A2ML1: variants seen among roughly 807,000 people sequenced by gnomAD.
A2ML1 encodes the protein alpha-2-macroglobulin-like protein 1.
In A2ML1, 161 loss-of-function variants were observed where a neutral mutation model predicts 181.9. That is an observed-to-expected ratio of 0.89 (90% CI 0.78 to 1.01). A2ML1 has a LOEUF of 1.01. Among genes scored for constraint, A2ML1 ranks in the 50% least tolerant of loss-of-function variants. The probability of loss-of-function intolerance (pLI) is 0.00; values close to 1 mark genes in which losing one functional copy is unlikely to be tolerated. For missense variants in A2ML1, 1,670 were observed against 1,768.1 expected, an observed-to-expected ratio of 0.94 and a Z score of 1.00; for synonymous variants, 663 against 666.8, an observed-to-expected ratio of 0.99 and a Z score of 0.09.
chr12:8,886,010 T>TCACACACACA (rs35294269), intron 7 of A2ML1, among the ~76,000 whole-genome samples: 16,635 of 144,788 alleles, frequency 0.11, 1,081 homozygotes, highest in East Asian at 0.16. Context: ...CAACAATATC[T>TCACACACACA]CACACACACA....
At chr12:8,884,215 C>CT (rs946882849) in intron 7 of A2ML1, among the ~76,000 whole-genome samples, 2 of 122,966 alleles carry the variant, frequency 1.6e-5, no homozygotes, top group South Asian at 2.7e-4. Context: ...TTTTGAAATT[C>CT]TTTTTTTTAT....
chr12:8,883,399 G>A (rs1460761382), intron 7 of A2ML1, among the ~76,000 whole-genome samples: 1 of 152,206 alleles, frequency 6.6e-6, no homozygotes, highest in Non-Finnish European at 1.5e-5. Context: ...CTTGCAGTTA[G>A]GTTTGGCCAT....
chr12:8,848,052 G>T (rs766028206), intron 15 of A2ML1, among the ~76,000 whole-genome samples: 1 of 150,230 alleles, frequency 6.7e-6, no homozygotes, highest in South Asian at 2.1e-4. Context: ...GCTGAGGCAG[G>T]AGAATCACTT....
chr12:8,856,516 A>T (rs1038296971), intron 23 of A2ML1, among the ~76,000 whole-genome samples: 2 of 152,196 alleles, frequency 1.3e-5, no homozygotes, highest in Non-Finnish European at 2.9e-5. Flanking sequence ...TGGGAAGTAT[A>T]TGAAGGGGTC....
chr12:8,834,962 C>T (rs1943225238), intron 5 of A2ML1: 2 of 479,264 alleles, frequency 4.2e-6, no homozygotes, highest in Non-Finnish European at 7.4e-6. Context: ...GATGACTTAA[C>T]CAGGCTTGGT....
chr12:8,823,071 A>G (rs1168667500), intron 1 of A2ML1, 111 bp from the exon 2 acceptor site: 1 of 1,073,126 alleles, frequency 9.3e-7, no homozygotes, highest in African/African-American at 1.6e-5. Flanking sequence ...TAAGGAAGGC[A>G]GGGGCTTGGT....
chr12:8,854,697 G>C (rs1026616907), intron 21 of A2ML1, 83 bp from the exon 22 acceptor site: 7 of 1,484,284 alleles, frequency 4.7e-6, no homozygotes, highest in Non-Finnish European at 6.6e-6. Context: ...GGCACAGCGA[G>C]GGGCCTCCCT....
chr12:8,867,474 C>T (rs7137682), intron 29 of A2ML1, among the ~76,000 whole-genome samples: 15,587 of 152,062 alleles, frequency 0.1, 1,013 homozygotes, highest in African/African-American at 0.17. Flanking sequence ...ATGGAGAAAC[C>T]CCTTCTCTAC....
intron 13 of A2ML1, 45 bp downstream of exon 13, chr12:8,845,547 A>G (rs1943641247): frequency 6.2e-7 from 1 of 1,609,766 alleles, no homozygotes; most frequent in African/African-American, 1.3e-5. Flanking sequence ...ATATTTTTAA[A>G]TTCCAGAAAA....
At chr12:8,849,049 G>C (rs774497071) in intron 16 of A2ML1, 135 bp downstream of exon 16, 1 of 945,432 alleles carries the variant, frequency 1.1e-6, no homozygotes, top group African/African-American at 1.7e-5. Context: ...AGCTTCTGAC[G>C]TGTAAGGTCG....
intron 26 of A2ML1, among the ~76,000 whole-genome samples, 183 bp from the exon 27 acceptor site, chr12:8,860,698 T>A (rs1944224607): frequency 6.6e-6 from 1 of 152,152 alleles, no homozygotes; most frequent in African/African-American, 2.4e-5. Context: ...TCCAAACTGT[T>A]CCCTCTTTGT....
intron 33 of A2ML1, among the ~76,000 whole-genome samples, chr12:8,872,783 C>CAAAA (rs570693086): frequency 2.9e-5 from 2 of 68,694 alleles, no homozygotes; most frequent in African/African-American, 9.3e-5. Flanking sequence ...GACTCCATCT[C>CAAAA]AAAAAAAAAA....
At chr12:8,855,479 T>C in intron 22 of A2ML1, 30 bp from the exon 23 acceptor site, 2 of 1,609,770 alleles carry the variant, frequency 1.2e-6, no homozygotes, top group South Asian at 1.1e-5. Context: ...CCATCTTCTA[T>C]TGTGTCACCT....
chr12:8,844,400 C>T (rs1943597320), intron 12 of A2ML1, among the ~76,000 whole-genome samples: 1 of 151,866 alleles, frequency 6.6e-6, no homozygotes, highest in Non-Finnish European at 1.5e-5. Context: ...CCGAGCCCAG[C>T]CAGGATACAT....
In A2ML1 at chr12:8,837,432, T is replaced by C. The variant is rs778521664; in HGVS notation, c.729-8T>C. On this transcript the variant is annotated splice_region_variant and splice_polypyrimidine_tract_variant and intron_variant, in intron 7 of 35. Transcript: ENST00000299698. ...CCAACTCTGACTCCTTATGCTTTTC[T>C]TGGTTAGGTACACCTATGGAAAGCC... 6 of 1,613,580 alleles carry C rather than the reference T, an allele frequency of 3.7e-6. No homozygotes were observed. Among genetic ancestry groups the C allele is most frequent in the Non-Finnish European group, 4.2e-6 (5 of 1,179,664 alleles).
Position 8,863,863 on chromosome 12 carries a change from C to T in A2ML1, c.3572C>T (p.Ala1191Val). Residue 1191 changes from alanine to valine, a missense_variant, in exon 29 of 36, where the codon GCT (alanine) becomes GTT (valine). Ala to Val is a moderately conservative substitution (Grantham distance 64). Coordinates refer to ENST00000299698, the MANE Select transcript of A2ML1 (RefSeq NM_144670.6). Reference protein sequence around the residue: ...SNASPWSEPAAVDVELTAYAL... With the variant: ...SNASPWSEPAVVDVELTAYAL... ...GCCAGCCCTTGGTCTGAGCCTGCGGCTGTAGATGTGGAACTCACAGCATAT... is the reference window on the plus strand; with the variant it reads ...GCCAGCCCTTGGTCTGAGCCTGCGGTTGTAGATGTGGAACTCACAGCATAT... 6.2e-7 allele frequency: 1 copy of T among 1,614,236 alleles called. No individual in the cohort carries two copies. Among genetic ancestry groups the T allele is most frequent in the South Asian group, 1.1e-5 (1 of 91,090 alleles).
intron 4 of A2ML1, 26 bp from the exon 5 acceptor site, chr12:8,834,636 C>T: frequency 6.2e-7 from 1 of 1,613,402 alleles, no homozygotes; most frequent in Admixed American, 1.7e-5. Flanking sequence ...CTTCTTTAAC[C>T]CGCATTATCT....
chr12:8,846,323 G>A (rs1943685703), intron 14 of A2ML1, 101 bp downstream of exon 14: 2 of 1,365,362 alleles, frequency 1.5e-6, no homozygotes, highest in Admixed American at 1.8e-5. Flanking sequence ...AAAGAAGATA[G>A]TGTTGACGTT....
At chr12:8,854,394 T>A in intron 21 of A2ML1, 145 bp downstream of exon 21, 1 of 1,308,436 alleles carries the variant, frequency 7.6e-7, no homozygotes, top group Non-Finnish European at 1.0e-6. Context: ...CTTGAACATT[T>A]GCCTAATCCA....
Sources: allele counts gnomAD v4.1 joint callset (sites outside exome capture counted in the v4.1 genomes callset), GRCh38; gene constraint gnomAD v4.1.1; transcripts MANE v1.5; gene names NCBI Gene and HGNC (gene_info 2026-07-23, HGNC 2026-07-21).